CSNK1D: variants seen among roughly 807,000 people sequenced by gnomAD.
The protein encoded by CSNK1D is casein kinase I isoform delta.
In CSNK1D, 16 loss-of-function variants were observed where a neutral mutation model predicts 46.6. The observed-to-expected ratio is 0.34, with a 90% CI of 0.23 to 0.52. The LOEUF (loss-of-function observed/expected upper bound fraction) is 0.52, where lower values mean the gene tolerates loss of function less well. Among genes scored for constraint, CSNK1D ranks in the 20% least tolerant of loss-of-function variants. CSNK1D has a pLI of 0.95. For synonymous variants in CSNK1D, 276 were observed against 228.2 expected (o/e 1.21, Z -1.89); for missense variants, 398 against 578.4 (o/e 0.69, Z 3.20).
At chr17:82,267,431 T>A (rs1212656814) in intron 1 of CSNK1D, among the ~76,000 whole-genome samples, 1 of 152,176 alleles carries the variant, frequency 6.6e-6, no homozygotes, top group Non-Finnish European at 1.5e-5. Flanking sequence ...TCTGCCCAGA[T>A]GGCGGCATGA....
At chr17:82,265,660 T>A in intron 2 of CSNK1D, 26 bp downstream of exon 2, 1 of 1,535,608 alleles carries the variant, frequency 6.5e-7, no homozygotes, top group South Asian at 1.1e-5. Context: ...AACCCTGGTG[T>A]TGCTCTGTGA....
At chr17:82,253,638 T>C (rs1340908827) in intron 3 of CSNK1D, 4 of 354,720 alleles carry the variant, frequency 1.1e-5, no homozygotes, top group Non-Finnish European at 2.2e-5. Context: ...AGGAACCCAC[T>C]GAATGGAAAC....
intron 8 of CSNK1D, chr17:82,245,497 C>G (rs757694349): frequency 9.5e-6 from 2 of 210,460 alleles, no homozygotes; most frequent in Admixed American, 5.3e-5. Context: ...ACTAGAAAAG[C>G]TGGCATGGCA....
intron 8 of CSNK1D, chr17:82,247,496 G>A (rs909043312): frequency 2.0e-6 from 2 of 985,382 alleles, no homozygotes; most frequent in Non-Finnish European, 1.2e-6. Flanking sequence ...GCCAAGCGCT[G>A]GGGCGAGGCT....
rs555167133 is a variant in CSNK1D, at chr17:82,252,217, T to C, written c.736+217A>G. 8.5e-5 allele frequency among the ~76,000 whole-genome samples: 13 copies of C among 152,272 alleles called. No individual in the cohort carries two copies. Among genetic ancestry groups the C allele is most frequent in the Admixed American group, 7.8e-4 (12 of 15,298 alleles). On this transcript the variant is annotated intron_variant, in intron 5 of 8. Coordinates refer to ENST00000314028, the MANE Select transcript of CSNK1D (RefSeq NM_001893.6). This position sits in a 1 kb window ranked among gnomAD's most constrained non-coding sequence, Gnocchi z 4.6. ...CTGCCATCTCTCCAGGGCCTCCAAGTACTCCCCACGCTGATGGGCACTTGG... is the reference window on the plus strand; with the variant it reads ...CTGCCATCTCTCCAGGGCCTCCAAGCACTCCCCACGCTGATGGGCACTTGG...
At position 82,251,593 on chromosome 17, in the gene CSNK1D, C is replaced by T. The variant is rs1048089002; in HGVS notation, c.737-66G>A. ...CTGCGACTCAAGGTGTCTCTGCCAA[C>T]GTCGCTGTCTACCTCCTGCTGCTGC... On this transcript the variant is annotated intron_variant, in intron 5 of 8. Transcript: ENST00000314028. This position sits in a 1 kb window ranked among gnomAD's most constrained non-coding sequence, Gnocchi z 4.5. 1.2e-5 allele frequency: 18 copies of T among 1,543,680 alleles called. No homozygotes were observed. The highest frequency in any genetic ancestry group is 1.1e-4 in the African/African-American group (8 of 73,584).
rs1352700463 is a variant in CSNK1D, at chr17:82,251,904, G to C, written c.737-377C>G. On this transcript the variant is annotated intron_variant, in intron 5 of 8. Transcript: ENST00000314028. The surrounding 1 kb of genome is among the most constrained non-coding windows in gnomAD (Gnocchi z 4.5). ...AGCTACCGGGGAGGCTGACGCAGGA[G>C]AATGGTATGAACCCGGGAGGCGGAG... is the stretch of plus-strand genomic sequence containing the variant. The C allele has an allele frequency of 2.9e-6, 1 of 340,790 alleles. No individual in the cohort carries two copies. The highest frequency in any genetic ancestry group is 7.9e-5 in the East Asian group (1 of 12,704). 21.1% of individuals were successfully genotyped at this position (340,790 alleles called of 1,614,324 possible).
intron 3 of CSNK1D, among the ~76,000 whole-genome samples, chr17:82,254,978 C>G (rs1003990460): frequency 3.1e-3 from 209 of 66,382 alleles, no homozygotes; most frequent in African/African-American, 6.4e-3. Flanking sequence ...CCGGAGCCTC[C>G]AGAAGCCAGT....
At position 82,255,711 on chromosome 17, in the gene CSNK1D, G is replaced by A. The variant is rs1036932824; in HGVS notation, c.188-134C>T. On this transcript the variant is annotated intron_variant, in intron 2 of 8. Coordinates refer to ENST00000314028, the MANE Select transcript of CSNK1D (RefSeq NM_001893.6). The surrounding 1 kb of genome is among the most constrained non-coding windows in gnomAD (Gnocchi z 5.9). ...AGGGGTGGTGGAGGTAGAAGACCCC[G>A]GCAACGCCGCTCCTCAGGGACCCAT... 5.1e-5 allele frequency: 56 copies of A among 1,098,384 alleles called. No homozygotes were observed. Among genetic ancestry groups the A allele is most frequent in the African/African-American group, 3.2e-4 (21 of 64,886 alleles). 68.0% of individuals were successfully genotyped at this position (1,098,384 alleles called of 1,614,324 possible).
In CSNK1D at chr17:82,260,017, C is replaced by CTGACTGATA. The variant is rs1371310695; in HGVS notation, c.188-4441_188-4440insTATCAGTCA. Among the ~76,000 whole-genome samples, 565 of 140,916 alleles carry CTGACTGATA rather than the reference C, an allele frequency of 4.0e-3. 11 individuals carry two copies. Among genetic ancestry groups the CTGACTGATA allele is most frequent in the African/African-American group, 0.015 (521 of 34,468 alleles). 92.4% of individuals were successfully genotyped at this position (140,916 alleles called of 152,430 possible). On this transcript the variant is annotated intron_variant, in intron 2 of 8. Transcript: ENST00000314028. Reference sequence around the variant, plus strand: ...ACTGAGTGATGTGACTGATGGTGTACTGACTGATGGTGTACTGACTGATGT... The same window carrying CTGACTGATA: ...ACTGAGTGATGTGACTGATGGTGTACTGACTGATATGACTGATGGTGTACTGACTGATGT...
chr17:82,261,058 C>A (rs1468341929), intron 2 of CSNK1D: 5 of 154,788 alleles, frequency 3.2e-5, no homozygotes, highest in African/African-American at 9.6e-5. Flanking sequence ...TCCTCCCTAC[C>A]CCCCAAATGT....
In CSNK1D at chr17:82,249,402, C is replaced by T; in HGVS notation, c.1057+29G>A. 1 of 1,532,598 alleles carries T rather than the reference C, an allele frequency of 6.5e-7. No homozygotes were observed. The highest frequency in any genetic ancestry group is 8.7e-7 in the Non-Finnish European group (1 of 1,143,860). The allele number at this position is 1,532,598 out of a possible 1,614,324, so 94.9% of individuals were successfully genotyped here. ...ACACAAGAAGTCACCCCAGAGCCAG[C>T]CCCAGAGCGCTGGGAGGGGGGCACT... On this transcript the variant is annotated intron_variant, in intron 7 of 8. Transcript: ENST00000314028. The surrounding 1 kb of genome is among the most constrained non-coding windows in gnomAD (Gnocchi z 6.7).
downstream of CSNK1D, among the ~76,000 whole-genome samples, chr17:82,242,360 G>A (rs2050752965): frequency 6.6e-6 from 1 of 152,246 alleles, no homozygotes; most frequent in Non-Finnish European, 1.5e-5. Context: ...ACCCCAGGCG[G>A]CTGGAGTGCG....
Position 82,273,602 on chromosome 17 carries a change from A to G in CSNK1D, c.-221T>C, listed in dbSNP as rs1567824905. The G allele has an allele frequency of 1.7e-6, 1 of 579,726 alleles. No individual in the cohort carries two copies. Among genetic ancestry groups the G allele is most frequent in the South Asian group, 2.1e-5 (1 of 46,816 alleles). 35.9% of individuals were successfully genotyped at this position (579,726 alleles called of 1,614,324 possible). A position where few individuals can be genotyped will look rare whatever the true frequency, so the allele number is the denominator to read the frequency against. The stretch of plus-strand genomic sequence containing the variant: ...CGCCGCCGCCGCTGCTCCGGCCCCT[A>G]CCGGTCCCGCTTGCCCTCTCCCCGC... On this transcript the variant is annotated 5_prime_UTR_variant, in exon 1 of 9. Coordinates refer to ENST00000314028, the MANE Select transcript of CSNK1D (RefSeq NM_001893.6). This position sits in a 1 kb window ranked among gnomAD's most constrained non-coding sequence, Gnocchi z 5.1.
At chr17:82,241,671 G>A (rs1305209777), downstream of CSNK1D, among the ~76,000 whole-genome samples, 2 of 152,238 alleles carry the variant, frequency 1.3e-5, no homozygotes, top group East Asian at 3.9e-4. Flanking sequence ...GCCCCACACG[G>A]TGTCTCAGTC....
intron 8 of CSNK1D, chr17:82,246,024 C>A (rs748145457): frequency 2.5e-6 from 4 of 1,610,146 alleles, no homozygotes; most frequent in East Asian, 2.2e-5. Flanking sequence ...CCGTGGTGTT[C>A]GAAAGGAATG....
rs1208574947 is a variant in CSNK1D at position 82,242,852 on chromosome 17, A to G, written c.*1929T>C. 1 of 985,166 alleles carries G rather than the reference A, an allele frequency of 1.0e-6. No homozygotes were observed. Among genetic ancestry groups the G allele is most frequent in the African/African-American group, 1.7e-5 (1 of 57,228 alleles). The allele number at this position is 985,166 out of a possible 1,614,324, so 61.0% of individuals were successfully genotyped here. A position where few individuals can be genotyped will look rare whatever the true frequency, so the allele number is the denominator to read the frequency against. ...GCAAGGACTGTCACAAGCACTCCGA[A>G]GACGCGACCCGGCGAGGCTCGGGCT... is the stretch of plus-strand genomic sequence containing the variant. On this transcript the variant is annotated 3_prime_UTR_variant, in exon 9 of 9. Coordinates refer to ENST00000314028, the MANE Select transcript of CSNK1D (RefSeq NM_001893.6).
chr17:82,265,936 C>A, intron 1 of CSNK1D, 140 bp from the exon 2 acceptor site: 1 of 762,616 alleles, frequency 1.3e-6, no homozygotes, highest in Non-Finnish European at 2.4e-6. Context: ...CATAGTAAGG[C>A]GGGCTAATCG....
In CSNK1D at chr17:82,243,346, G is replaced by T. The variant is rs146056938; in HGVS notation, c.*1435C>A. ...GATGGGGTCCAGCCGAAGTGCCCAC[G>T]AACACAGACTGCCCTGCGCATTGGG... is the stretch of plus-strand genomic sequence containing the variant. On this transcript the variant is annotated 3_prime_UTR_variant, in exon 9 of 9. Transcript: ENST00000314028. 5.2e-4 allele frequency: 516 copies of T among 985,540 alleles called. 4 individuals carry two copies. The African/African-American group carries it at 8.4e-3, about 16-fold the overall frequency. 61.0% of individuals were successfully genotyped at this position (985,540 alleles called of 1,614,324 possible). A position where few individuals can be genotyped will look rare whatever the true frequency, so the allele number is the denominator to read the frequency against.
Sources: gnomAD v4.1 joint callset for allele counts (sites outside exome capture counted in the v4.1 genomes callset) on GRCh38, gnomAD v4.1.1 for gene constraint, Gnocchi (gnomAD v3.1) non-coding constraint, MANE v1.5 for transcripts, NCBI Gene and HGNC (gene_info 2026-07-23, HGNC 2026-07-21) for gene names.